NEBL: variants seen among roughly 807,000 people sequenced by gnomAD.
NEBL encodes the protein nebulette, also known as LIM and SH3 protein 2.
In NEBL, 122 loss-of-function variants were observed where a neutral mutation model predicts 140.2. That is an observed-to-expected ratio of 0.87 (90% CI 0.75 to 1.01). The LOEUF (loss-of-function observed/expected upper bound fraction) is 1.01. NEBL is among the 50% of genes least tolerant of loss of function. The pLI is 0.00. For synonymous variants in NEBL, 436 were observed against 398.9 expected, an observed-to-expected ratio of 1.09 and a Z score of -1.11; for missense variants, 1,365 against 1,231.3, an observed-to-expected ratio of 1.11 and a Z score of -1.62.
At chr10:21,127,951 T>C (rs1404331538) in intron 2 of NEBL, among the ~76,000 whole-genome samples, 1 of 152,236 alleles carries the variant, frequency 6.6e-6, no homozygotes, top group Non-Finnish European at 1.5e-5. Flanking sequence ...TAAGTAATTA[T>C]TATTAATGTT....
At chr10:20,810,174 C>G (rs910531228) in intron 24 of NEBL, among the ~76,000 whole-genome samples, 1 of 152,120 alleles carries the variant, frequency 6.6e-6, no homozygotes, top group African/African-American at 2.4e-5. Context: ...GCTGAAGTAC[C>G]TGTGACCCAT....
At chr10:20,825,374 C>T (rs762803038) in intron 18 of NEBL, among the ~76,000 whole-genome samples, 4 of 151,948 alleles carry the variant, frequency 2.6e-5, no homozygotes, top group East Asian at 1.9e-4. Context: ...CTAAATGTAA[C>T]GGAAAGGCAC....
intron 2 of NEBL, among the ~76,000 whole-genome samples, chr10:21,044,701 G>A (rs1394278797): frequency 6.6e-6 from 1 of 152,044 alleles, no homozygotes; most frequent in Non-Finnish European, 1.5e-5. Flanking sequence ...CAACATCTAT[G>A]TACCCTTTAT....
chr10:21,247,299 TACA>T (rs1588560147), intron 3 of NEBL, among the ~76,000 whole-genome samples: 3 of 152,218 alleles, frequency 2.0e-5, no homozygotes, highest in East Asian at 3.8e-4. Flanking sequence ...AGACTATTGA[TACA>T]ACAACTTGGA....
chr10:21,012,960 C>T (rs1838403807), intron 3 of NEBL, among the ~76,000 whole-genome samples: 1 of 152,094 alleles, frequency 6.6e-6, no homozygotes, highest in Non-Finnish European at 1.5e-5. Context: ...AACACCAGGT[C>T]CCTGTGATTA....
chr10:20,994,363 A>G (rs918838025), intron 3 of NEBL, among the ~76,000 whole-genome samples: 11 of 152,234 alleles, frequency 7.2e-5, no homozygotes, highest in African/African-American at 2.4e-4. Flanking sequence ...GGATCTTTCA[A>G]TGAATTTCAT....
chr10:20,811,434 T>G (rs1267386037), intron 24 of NEBL, among the ~76,000 whole-genome samples: 7 of 152,250 alleles, frequency 4.6e-5, no homozygotes, highest in Admixed American at 4.6e-4. Context: ...TTCCATCCCT[T>G]TAGCACAAAG....
At chr10:21,158,327 C>A (rs992612636) in intron 2 of NEBL, among the ~76,000 whole-genome samples, 3 of 152,120 alleles carry the variant, frequency 2.0e-5, no homozygotes, top group Admixed American at 6.5e-5. Flanking sequence ...AGAGAATAGG[C>A]AATAGTAATA....
chr10:21,125,718 C>T, intron 2 of NEBL: 2 of 814,516 alleles, frequency 2.5e-6, no homozygotes, highest in South Asian at 1.7e-5. Context: ...ACAGAGCTGC[C>T]TTTGAAGTCA....
chr10:21,265,818 A>G (rs1842790899), intron 1 of NEBL, among the ~76,000 whole-genome samples: 1 of 152,242 alleles, frequency 6.6e-6, no homozygotes, highest in Non-Finnish European at 1.5e-5. Flanking sequence ...CATAGACCAT[A>G]TGTAAACAAA....
intron 3 of NEBL, among the ~76,000 whole-genome samples, chr10:20,965,915 A>T (rs974865707): frequency 3.3e-5 from 5 of 152,204 alleles, no homozygotes; most frequent in African/African-American, 1.2e-4. Context: ...CGGAGCAGGA[A>T]GGACAAAGAG....
At chr10:20,910,503 C>T (rs1848283859) in intron 4 of NEBL, among the ~76,000 whole-genome samples, 1 of 152,092 alleles carries the variant, frequency 6.6e-6, no homozygotes, top group South Asian at 2.1e-4. Context: ...TGACTAAGGA[C>T]AGAAGAGATG....
intron 2 of NEBL, among the ~76,000 whole-genome samples, chr10:21,143,850 G>A (rs923858069): frequency 3.3e-5 from 5 of 150,546 alleles, no homozygotes; most frequent in African/African-American, 1.2e-4. Flanking sequence ...AGCCAGATCA[G>A]GATAAGACAA....
chr10:21,272,600 C>A (rs1416348307), intron 1 of NEBL, among the ~76,000 whole-genome samples: 2 of 152,106 alleles, frequency 1.3e-5, no homozygotes, highest in African/African-American at 4.8e-5. Context: ...TAAATAAATA[C>A]ATAAATAACA....
At chr10:20,968,771 G>A (rs895325916) in intron 3 of NEBL, among the ~76,000 whole-genome samples, 1 of 152,108 alleles carries the variant, frequency 6.6e-6, no homozygotes, top group Non-Finnish European at 1.5e-5. Context: ...TGAAATCCAT[G>A]ACTAATTTCA....
rs913298491 is a variant in NEBL at position 20,783,515 on chromosome 10, G to A, written c.*2232C>T. 1.3e-5 allele frequency: 2 copies of A among 152,102 alleles called. No homozygotes were observed. Among genetic ancestry groups the A allele is most frequent in the Non-Finnish European group, 2.9e-5 (2 of 68,028 alleles). 9.4% of individuals were successfully genotyped at this position (152,102 alleles called of 1,614,324 possible). Reference sequence around the variant, plus strand: ...CTCAGTGAATCTGGTTTTGAAATCGGTGGATGAAATTACTTTCCTGATTAC... The same window carrying A: ...CTCAGTGAATCTGGTTTTGAAATCGATGGATGAAATTACTTTCCTGATTAC... On this transcript the variant is annotated 3_prime_UTR_variant, in exon 28 of 28. Coordinates refer to ENST00000377122, the MANE Select transcript of NEBL (RefSeq NM_006393.3).
chr10:21,275,804 C>G lies in NEBL; in HGVS notation n.182+17026G>C, dbSNP rs1368969993. Among the ~76,000 whole-genome samples the G allele has an allele frequency of 2.5e-4, 35 of 138,080 alleles. No individual in the cohort carries two copies. In the East Asian group the frequency reaches 6.9e-3, roughly 27 times the overall value. 90.6% of individuals were successfully genotyped at this position (138,080 alleles called of 152,430 possible). ...TACAGGCAAGTGCCACCACACCCAG[C>G]TAATTTTTTTTTTTTTTTTTTTTTT... On this transcript the variant is annotated intron_variant and non_coding_transcript_variant, in intron 1 of 8. Coordinates refer to the NEBL transcript ENST00000675702.
rs779426326 is a variant in NEBL, at chr10:20,831,208, T to G, written c.1659A>C (p.Glu553Asp). Residue 553 changes from glutamate (E) to aspartate (D), a missense_variant, in exon 16 of 28, where the codon GAA (glutamate) becomes GAC (aspartate). By Grantham distance (45) the Glu-to-Asp change is conservative. Around this residue, in one of 2 missense-constraint regions of NEBL, gnomAD observed 1,323 missense variants for 1,154.8 expected, o/e 1.15. Transcript: ENST00000377122. ...PDILRAKRTS[E>D]IYSQRKYKDE... ...ATTCATGACCAACCTGGCTATAGAT[T>G]TCAGATGTCCTCTTGGCTCGAAGGA... 2 of 1,611,670 alleles carry G rather than the reference T, an allele frequency of 1.2e-6. No homozygotes were observed. The highest frequency in any genetic ancestry group is 2.2e-5 in the East Asian group (1 of 44,854).
chr10:20,853,128 C>T (rs560434119), intron 9 of NEBL, among the ~76,000 whole-genome samples: 1 of 152,046 alleles, frequency 6.6e-6, no homozygotes, highest in Non-Finnish European at 1.5e-5. Flanking sequence ...GACTCCACCA[C>T]AAAGAAGATT....
Sources: gnomAD v4.1 joint callset for allele counts (sites outside exome capture counted in the v4.1 genomes callset) on GRCh38, gnomAD v4.1.1 for gene constraint, gnomAD v4.1.1 regional missense constraint, MANE v1.5 for transcripts, NCBI Gene and HGNC (gene_info 2026-07-23, HGNC 2026-07-21) for gene names.